Variants in GABBR2 observed in about 807,000 individuals in gnomAD.
GABBR2 encodes gamma-aminobutyric acid type B receptor subunit 2.
In GABBR2, 23 loss-of-function variants were observed where a neutral mutation model predicts 105.6. The ratio of observed to expected loss-of-function variants is 0.22; its 90% confidence interval spans 0.16 to 0.31. GABBR2 has a LOEUF of 0.31. GABBR2 is among the 10% of genes least tolerant of loss of function. The probability of loss-of-function intolerance (pLI) is 1.00; values close to 1 mark genes in which losing one functional copy is unlikely to be tolerated. For missense variants in GABBR2, 734 were observed against 1,245.5 expected, an observed-to-expected ratio of 0.59 and a Z score of 6.18; for synonymous variants, 478 against 499.7, an observed-to-expected ratio of 0.96 and a Z score of 0.58.
chr9:98,501,983 C>G (rs575445078), intron 3 of GABBR2, among the ~76,000 whole-genome samples: 4 of 152,096 alleles, frequency 2.6e-5, no homozygotes, highest in African/African-American at 9.7e-5. Context: ...AGCTGGTTCA[C>G]GGTGCTGTGG....
rs192394866 is a variant in GABBR2 at position 98,405,110 on chromosome 9, A to G, written c.1297+971T>C. On this transcript the variant is annotated intron_variant, in intron 8 of 18. Coordinates refer to ENST00000259455, the MANE Select transcript of GABBR2 (RefSeq NM_005458.8). ...GATCGTGTCTAGGAGCTGCTTTAAA[A>G]CACTACAGCAAAAAAAGGGGGGATG... Among the ~76,000 whole-genome samples, 303 of 152,316 alleles carry G rather than the reference A, an allele frequency of 2.0e-3. 2 individuals carry two copies. The highest frequency in any genetic ancestry group is 3.6e-3 in the Non-Finnish European group (246 of 68,034).
chr9:98,561,562 G>T (rs1588229248), intron 2 of GABBR2, among the ~76,000 whole-genome samples: 1 of 152,312 alleles, frequency 6.6e-6, no homozygotes, highest in East Asian at 1.9e-4. Context: ...AGAGAAGAAT[G>T]CAGGCTTAAA....
chr9:98,681,785 T>C (rs946057035), intron 1 of GABBR2, among the ~76,000 whole-genome samples: 4 of 152,160 alleles, frequency 2.6e-5, no homozygotes, highest in Non-Finnish European at 4.4e-5. Context: ...GTTAAATATT[T>C]AAAAATCAAA....
At chr9:98,618,105 C>T (rs1829613864) in intron 1 of GABBR2, among the ~76,000 whole-genome samples, 1 of 152,186 alleles carries the variant, frequency 6.6e-6, no homozygotes, top group Admixed American at 6.5e-5. Context: ...CGTGATTTTA[C>T]CCACATCAGA....
intron 2 of GABBR2, among the ~76,000 whole-genome samples, chr9:98,562,109 T>TGG (rs1479096826): frequency 2.0e-5 from 3 of 152,132 alleles, no homozygotes; most frequent in African/African-American, 7.2e-5. Flanking sequence ...AGTGATCAAA[T>TGG]TTAGTATCAT....
intron 13 of GABBR2, among the ~76,000 whole-genome samples, chr9:98,318,264 C>T (rs1830753777): frequency 6.6e-6 from 1 of 152,222 alleles, no homozygotes. Flanking sequence ...AGGGGAGGAG[C>T]TGATCCAGGG....
chr9:98,561,934 G>A (rs1312881526), intron 2 of GABBR2, among the ~76,000 whole-genome samples: 3 of 152,132 alleles, frequency 2.0e-5, no homozygotes, highest in Non-Finnish European at 4.4e-5. Context: ...ATATGATACT[G>A]AGGCAGGCAA....
intron 13 of GABBR2, among the ~76,000 whole-genome samples, chr9:98,333,646 T>C (rs1320702462): frequency 6.6e-6 from 1 of 152,208 alleles, no homozygotes; most frequent in Non-Finnish European, 1.5e-5. Flanking sequence ...CTGAAGACCC[T>C]TAACATAATG....
In GABBR2 at chr9:98,371,464, C is replaced by T. The variant is rs1409198435; in HGVS notation, c.1770G>A (p.Lys590=). 2 of 1,497,556 alleles carry T rather than the reference C, an allele frequency of 1.3e-6. No homozygotes were observed. The highest frequency in any genetic ancestry group is 2.3e-5 in the East Asian group (1 of 44,342). The allele number at this position is 1,497,556 out of a possible 1,614,324, so 92.8% of individuals were successfully genotyped here. ...AIFKNVKMKK[K]IIKDQKLLVI... is the part of the protein sequence containing the mutation. ...CCTGAAACAGAAGGAGAGTGATTACCTTCTTCTTCATTTTCACATTTTTGA... is the reference window on the plus strand; with the variant it reads ...CCTGAAACAGAAGGAGAGTGATTACTTTCTTCTTCATTTTCACATTTTTGA... The change falls in exon 12 of 19, where the codon AAG becomes AAA. Residue 590 remains lysine, a splice_region_variant and synonymous_variant. Transcript: ENST00000259455.
intron 13 of GABBR2, among the ~76,000 whole-genome samples, chr9:98,340,964 G>C (rs966569022): frequency 4.6e-5 from 7 of 152,258 alleles, no homozygotes; most frequent in Non-Finnish European, 1.0e-4. Context: ...CATGACACTT[G>C]AGAATTTCTA....
intron 1 of GABBR2, among the ~76,000 whole-genome samples, chr9:98,627,240 G>T (rs953814064): frequency 5.9e-5 from 9 of 152,146 alleles, no homozygotes; most frequent in Non-Finnish European, 1.0e-4. Flanking sequence ...AAGCTAGTGA[G>T]ACCGGAGGCC....
chr9:98,435,058 C>T (rs1226415322), intron 7 of GABBR2, among the ~76,000 whole-genome samples: 1 of 152,206 alleles, frequency 6.6e-6, no homozygotes, highest in African/African-American at 2.4e-5. Flanking sequence ...AAGGGCCAGG[C>T]TCAGAGCAAA....
chr9:98,670,998 T>G (rs1298154978), intron 1 of GABBR2, among the ~76,000 whole-genome samples: 1 of 152,228 alleles, frequency 6.6e-6, no homozygotes, highest in Non-Finnish European at 1.5e-5. Context: ...TGATGTTATG[T>G]GTATTTTACC....
At chr9:98,331,674 A>G (rs1282911194) in intron 13 of GABBR2, among the ~76,000 whole-genome samples, 3 of 152,114 alleles carry the variant, frequency 2.0e-5, no homozygotes, top group Non-Finnish European at 4.4e-5. Context: ...TAGTGGCTCT[A>G]TGGTGCACCT....
At chr9:98,368,573 C>T (rs900184932) in intron 12 of GABBR2, among the ~76,000 whole-genome samples, 1 of 152,162 alleles carries the variant, frequency 6.6e-6, no homozygotes, top group African/African-American at 2.4e-5. Flanking sequence ...GAACTCCTGC[C>T]GTTTTCCCAA....
chr9:98,335,446 C>T (rs959543822), intron 13 of GABBR2, among the ~76,000 whole-genome samples: 4 of 152,150 alleles, frequency 2.6e-5, no homozygotes, highest in Non-Finnish European at 5.9e-5. Flanking sequence ...TGGGCCCTTC[C>T]TAGAGATTCG....
At chr9:98,409,558 C>T (rs1484077295) in intron 7 of GABBR2, among the ~76,000 whole-genome samples, 3 of 152,184 alleles carry the variant, frequency 2.0e-5, no homozygotes, top group Non-Finnish European at 4.4e-5. Flanking sequence ...CCAGACACCC[C>T]ACCCAGGATG....
At chr9:98,444,767 G>T (rs572083564) in intron 7 of GABBR2, among the ~76,000 whole-genome samples, 4 of 152,230 alleles carry the variant, frequency 2.6e-5, no homozygotes, top group African/African-American at 9.6e-5. Flanking sequence ...TTGCTTATGG[G>T]AGAAACGAGA....
chr9:98,567,287 C>T (rs1259183457), intron 2 of GABBR2, among the ~76,000 whole-genome samples: 1 of 152,182 alleles, frequency 6.6e-6, no homozygotes, highest in African/African-American at 2.4e-5. Flanking sequence ...TAAATTGAAT[C>T]TTTCACCAGG....
Sources: allele counts gnomAD v4.1 joint callset (sites outside exome capture counted in the v4.1 genomes callset), GRCh38; gene constraint gnomAD v4.1.1; transcripts MANE v1.5; gene names NCBI Gene and HGNC (gene_info 2026-07-23, HGNC 2026-07-21).